The following EML6 variants were observed in gnomAD, a reference collection of about 807,000 sequenced individuals.
EML6 encodes the protein EMAP like 6.
Under a neutral mutation model 240.1 loss-of-function variants are expected in EML6, and 154 were observed. The observed-to-expected ratio is 0.64, with a 90% CI of 0.56 to 0.73. EML6 has a LOEUF of 0.73. EML6 is among the 30% of genes least tolerant of loss of function. The pLI, the probability that EML6 is intolerant of heterozygous loss-of-function variation, is 0.00. For missense variants in EML6, 2,964 were observed against 2,474.6 expected, an observed-to-expected ratio of 1.20 and a Z score of -4.20; for synonymous variants, 1,148 against 899.0, an observed-to-expected ratio of 1.28 and a Z score of -4.95.
chr2:54,780,773 T>G (rs1668820596), intron 2 of EML6, among the ~76,000 whole-genome samples: 1 of 152,242 alleles, frequency 6.6e-6, no homozygotes, highest in Non-Finnish European at 1.5e-5. Flanking sequence ...AGGATAATGC[T>G]GAAGAATAAA....
At chr2:54,896,246 G>T (rs1036794461) in intron 21 of EML6, among the ~76,000 whole-genome samples, 3 of 152,062 alleles carry the variant, frequency 2.0e-5, no homozygotes, top group Admixed American at 2.0e-4. Flanking sequence ...TTAGATGTAA[G>T]TCCTGTCAAT....
intron 22 of EML6, among the ~76,000 whole-genome samples, chr2:54,902,731 G>A (rs934842195): frequency 3.3e-5 from 5 of 152,022 alleles, no homozygotes; most frequent in South Asian, 4.2e-4. Context: ...GGTGGGTTTC[G>A]CCTCTACAAA....
At chr2:54,859,382 C>T (rs1208644174) in intron 11 of EML6, among the ~76,000 whole-genome samples, 152 bp from the exon 12 acceptor site, 1 of 152,164 alleles carries the variant, frequency 6.6e-6, no homozygotes, top group East Asian at 1.9e-4. Flanking sequence ...TATTTTGAAG[C>T]ATTTGGTTAT....
At chr2:54,847,771 A>G in intron 9 of EML6, 148 bp downstream of exon 9, 3 of 893,810 alleles carry the variant, frequency 3.4e-6, no homozygotes, top group South Asian at 3.8e-5. Context: ...CCCTATCTGT[A>G]ATTCTGAAGT....
intron 2 of EML6, among the ~76,000 whole-genome samples, chr2:54,770,718 C>T (rs567987072): frequency 1.3e-3 from 202 of 152,270 alleles, no homozygotes; most frequent in African/African-American, 4.4e-3. Flanking sequence ...ACATCTCTGT[C>T]GTTAGTTGAT....
At chr2:54,945,520 G>C (rs1210755575) in intron 28 of EML6, among the ~76,000 whole-genome samples, 4 of 152,076 alleles carry the variant, frequency 2.6e-5, no homozygotes, top group Non-Finnish European at 5.9e-5. Flanking sequence ...TATAGAAACT[G>C]GTTGGAACGA....
At chr2:54,925,764 A>G (rs1225613565) in intron 26 of EML6, among the ~76,000 whole-genome samples, 1 of 152,146 alleles carries the variant, frequency 6.6e-6, no homozygotes, top group African/African-American at 2.4e-5. Flanking sequence ...ATGGACCAGA[A>G]AACCAAATTC....
At chr2:54,957,622 CTT>C (rs1431228357) in intron 32 of EML6, among the ~76,000 whole-genome samples, 166 bp from the exon 33 acceptor site, 1 of 152,240 alleles carries the variant, frequency 6.6e-6, no homozygotes, top group Non-Finnish European at 1.5e-5. Context: ...GCCAGACACA[CTT>C]TCCCCGCTGC....
chr2:54,775,720 A>T (rs1461740389), intron 2 of EML6, among the ~76,000 whole-genome samples: 1 of 152,118 alleles, frequency 6.6e-6, no homozygotes, highest in Non-Finnish European at 1.5e-5. Context: ...CACTCCACAA[A>T]TTTTTGCAAG....
rs140872272 is a variant in EML6, at chr2:54,839,898, G to C, written c.848-4149G>C. ...GAGCCTCTTAAAATTTTTTAAAAGAGAGGATATATAGATATATATTTAATG... is the reference window on the plus strand; with the variant it reads ...GAGCCTCTTAAAATTTTTTAAAAGACAGGATATATAGATATATATTTAATG... On this transcript the variant is annotated intron_variant, in intron 7 of 41. Coordinates refer to ENST00000356458, the MANE Select transcript of EML6 (RefSeq NM_001039753.4). Among the ~76,000 whole-genome samples, 10 of 152,342 alleles carry C rather than the reference G, an allele frequency of 6.6e-5. No homozygotes were observed. The East Asian group carries it at 1.2e-3, about 18-fold the overall frequency.
chr2:54,815,758 G>C (rs2104069878), intron 3 of EML6, among the ~76,000 whole-genome samples: 1 of 152,284 alleles, frequency 6.6e-6, no homozygotes, highest in East Asian at 1.9e-4. Context: ...GAAAGCTGAA[G>C]AATCCCTGCA....
chr2:54,843,582 T>C (rs1023471551), intron 7 of EML6, among the ~76,000 whole-genome samples: 9 of 152,154 alleles, frequency 5.9e-5, no homozygotes, highest in Non-Finnish European at 1.0e-4. Flanking sequence ...TGGTGGCTCA[T>C]GCCTGTAAAC....
chr2:54,802,407 C>A (rs929578357), intron 2 of EML6, among the ~76,000 whole-genome samples: 6 of 152,068 alleles, frequency 3.9e-5, no homozygotes, highest in African/African-American at 1.4e-4. Context: ...GGGCAGATCG[C>A]TTGAGCCCAG....
intron 2 of EML6, among the ~76,000 whole-genome samples, chr2:54,752,449 TCCC>T (rs1204508501): frequency 6.6e-6 from 1 of 152,194 alleles, no homozygotes; most frequent in Non-Finnish European, 1.5e-5. Context: ...ACCTACCACT[TCCC>T]AGTCATTATG....
intron 12 of EML6, among the ~76,000 whole-genome samples, chr2:54,861,535 T>G (rs764443746): frequency 3.6e-4 from 55 of 152,254 alleles, no homozygotes; most frequent in Admixed American, 1.5e-3. Flanking sequence ...TTGAAACACA[T>G]AGTCCACCCT....
At chr2:54,966,311 T>A (rs768613834) in intron 38 of EML6, among the ~76,000 whole-genome samples, 3 of 152,176 alleles carry the variant, frequency 2.0e-5, no homozygotes, top group Non-Finnish European at 4.4e-5. Context: ...GGTGGGAACA[T>A]TGTTCCAGGC....
At position 54,909,194 on chromosome 2, in the gene EML6, A is replaced by C. The variant is rs114798133; in HGVS notation, c.3410-1760A>C. Among the ~76,000 whole-genome samples the C allele has an allele frequency of 4.2e-3, 638 of 152,354 alleles. 6 individuals are homozygous for C. The highest frequency in any genetic ancestry group is 0.015 in the African/African-American group (616 of 41,584). ...TATTCAAAGAATGTGTTCACTGAAT[A>C]ACCGTCCACGTGCTTTGTCATTTGC... is the stretch of plus-strand genomic sequence containing the variant. On this transcript the variant is annotated intron_variant, in intron 24 of 41. Coordinates refer to ENST00000356458, the MANE Select transcript of EML6 (RefSeq NM_001039753.4).
chr2:54,897,999 C>T (rs771688645), intron 21 of EML6, among the ~76,000 whole-genome samples: 5 of 152,056 alleles, frequency 3.3e-5, no homozygotes, highest in Non-Finnish European at 7.4e-5. Flanking sequence ...TTTGGTGGCA[C>T]GGCAATCCAA....
In EML6 at chr2:54,827,697, C is replaced by A; in HGVS notation, c.657C>A (p.Asp219Glu). Residue 219 changes from aspartate to glutamate, a missense_variant, in exon 6 of 42, where the codon GAC (aspartate) becomes GAA (glutamate). Asp to Glu is a conservative substitution (Grantham distance 45). Transcript: ENST00000356458. ...DITYSGALNG[D>E]IYVWKGLNLV... ...CCTACTCTGGTGCTTTAAATGGTGACATCTATGTCTGGAAAGGGCTCAATT... is the reference window on the plus strand; with the variant it reads ...CCTACTCTGGTGCTTTAAATGGTGAAATCTATGTCTGGAAAGGGCTCAATT... The A allele has an allele frequency of 6.4e-7, 1 of 1,551,634 alleles. No homozygotes were observed. The highest frequency in any genetic ancestry group is 8.7e-7 in the Non-Finnish European group (1 of 1,146,914).
Sources: gnomAD v4.1 joint callset for allele counts (sites outside exome capture counted in the v4.1 genomes callset) on GRCh38, gnomAD v4.1.1 for gene constraint, MANE v1.5 for transcripts, NCBI Gene and HGNC (gene_info 2026-07-23, HGNC 2026-07-21) for gene names.